The following NRG1 variants were observed in gnomAD, a reference collection of about 807,000 sequenced individuals.
The protein encoded by NRG1 is pro-neuregulin-1, membrane-bound isoform.
In NRG1, 18 loss-of-function variants were observed where a neutral mutation model predicts 63.8. The observed-to-expected ratio is 0.28, with a 90% CI of 0.19 to 0.42. NRG1 has a LOEUF of 0.42. NRG1 is among the 10% of genes least tolerant of loss of function. The pLI is 1.00. For synonymous variants in NRG1, 302 were observed against 301.3 expected, an observed-to-expected ratio of 1.00 and a Z score of -0.02; for missense variants, 762 against 814.7, an observed-to-expected ratio of 0.94 and a Z score of 0.79.
chr8:31,788,812 GTTAAC>G (rs752008695), intron 1 of NRG1, among the ~76,000 whole-genome samples: 1 of 152,182 alleles, frequency 6.6e-6, no homozygotes, highest in South Asian at 2.1e-4. Context: ...GTGCAAAGTA[GTTAAC>G]TTGACTAACA....
intron 1 of NRG1, among the ~76,000 whole-genome samples, chr8:32,052,186 A>G (rs1419683497): frequency 6.6e-6 from 1 of 151,920 alleles, no homozygotes; most frequent in Non-Finnish European, 1.5e-5. Context: ...TTAAGCTTCC[A>G]TCTCTGTAAG....
intron 1 of NRG1, among the ~76,000 whole-genome samples, chr8:32,081,298 T>A (rs1827428746): frequency 6.6e-6 from 1 of 152,150 alleles, no homozygotes; most frequent in Non-Finnish European, 1.5e-5. Flanking sequence ...CATATGCATT[T>A]TGAGGAGATA....
intron 1 of NRG1, among the ~76,000 whole-genome samples, chr8:32,486,627 A>ATT (rs1554557143): frequency 5.5e-5 from 8 of 145,514 alleles, no homozygotes; most frequent in Admixed American, 1.4e-4. Flanking sequence ...GAATTGCTGG[A>ATT]TTTTTTTTTT....
At chr8:32,390,941 A>C (rs1211833194) in intron 1 of NRG1, among the ~76,000 whole-genome samples, 4 of 152,216 alleles carry the variant, frequency 2.6e-5, no homozygotes, top group Admixed American at 6.5e-5. Flanking sequence ...CTTTACTAGG[A>C]TGTTCTGACA....
chr8:32,476,513 A>G (rs2129491904), intron 1 of NRG1, among the ~76,000 whole-genome samples: 1 of 152,324 alleles, frequency 6.6e-6, no homozygotes, highest in East Asian at 1.9e-4. Flanking sequence ...GAGAAAAATG[A>G]ACATAATCTT....
chr8:31,647,778 C>G (rs2130862194), intron 1 of NRG1, among the ~76,000 whole-genome samples: 1 of 152,298 alleles, frequency 6.6e-6, no homozygotes, highest in Non-Finnish European at 1.5e-5. Flanking sequence ...TCATTCCCAT[C>G]CATAGAGATG....
At chr8:32,251,742 A>C (rs1849130093) in intron 1 of NRG1, among the ~76,000 whole-genome samples, 1 of 152,194 alleles carries the variant, frequency 6.6e-6, no homozygotes, top group Admixed American at 6.5e-5. Context: ...AATGATCGCC[A>C]TTCAAACCGG....
At chr8:32,306,390 A>G (rs1856186359) in intron 1 of NRG1, among the ~76,000 whole-genome samples, 2 of 152,188 alleles carry the variant, frequency 1.3e-5, no homozygotes, top group Admixed American at 6.5e-5. Flanking sequence ...TAGCATTCGA[A>G]TGGGTCCTAA....
At chr8:32,116,471 T>G (rs888353787) in intron 1 of NRG1, among the ~76,000 whole-genome samples, 12 of 152,150 alleles carry the variant, frequency 7.9e-5, no homozygotes, top group Non-Finnish European at 1.3e-4. Flanking sequence ...CCTGATGAGC[T>G]GATTAAATAT....
intron 5 of NRG1, among the ~76,000 whole-genome samples, chr8:32,623,236 G>C (rs1848646968): frequency 6.6e-6 from 1 of 152,166 alleles, no homozygotes; most frequent in African/African-American, 2.4e-5. Flanking sequence ...AGATCTGGGT[G>C]GTCCATTGGT....
intron 1 of NRG1, among the ~76,000 whole-genome samples, chr8:31,896,152 T>G (rs529602614): frequency 6.6e-6 from 1 of 152,310 alleles, no homozygotes; most frequent in East Asian, 1.9e-4. Flanking sequence ...AGACCAGAGC[T>G]GCTTTAAATG....
intron 1 of NRG1, among the ~76,000 whole-genome samples, chr8:32,095,723 G>A (rs923911991): frequency 1.3e-5 from 2 of 152,122 alleles, no homozygotes; most frequent in African/African-American, 4.8e-5. Flanking sequence ...ATGCTATTAT[G>A]TCTTGGATAT....
At chr8:32,693,186 A>G (rs1469101748) in intron 5 of NRG1, among the ~76,000 whole-genome samples, 1 of 150,382 alleles carries the variant, frequency 6.6e-6, no homozygotes, top group Non-Finnish European at 1.5e-5. Context: ...TCTGAGGACA[A>G]CCTCATTTGT....
intron 1 of NRG1, among the ~76,000 whole-genome samples, chr8:32,470,116 G>T (rs1055663380): frequency 6.9e-6 from 1 of 144,016 alleles, no homozygotes; most frequent in Non-Finnish European, 1.5e-5. Context: ...CATGTGATCC[G>T]CCCGCCTCGG....
intron 11 of NRG1, chr8:32,761,037 A>T (rs530266733): frequency 4.2e-4 from 402 of 967,510 alleles, no homozygotes; most frequent in Non-Finnish European, 4.8e-4. Flanking sequence ...ACTGCCTTCA[A>T]GATGGCCCTT....
intron 1 of NRG1, among the ~76,000 whole-genome samples, chr8:31,669,711 C>T (rs1165379811): frequency 6.6e-6 from 1 of 152,172 alleles, no homozygotes; most frequent in Non-Finnish European, 1.5e-5. Context: ...TGTGTTCTTA[C>T]ACTTATTCAC....
At chr8:32,698,819 T>A (rs2128955380) in intron 5 of NRG1, among the ~76,000 whole-genome samples, 1 of 152,294 alleles carries the variant, frequency 6.6e-6, no homozygotes, top group East Asian at 1.9e-4. Context: ...CCCATAGAGC[T>A]GTTACTTGGT....
chr8:32,047,794 CT>C (rs56938669), intron 1 of NRG1, among the ~76,000 whole-genome samples: 2,821 of 148,316 alleles, frequency 0.019, 80 homozygotes, highest in African/African-American at 0.062. Flanking sequence ...TACATTTACT[CT>C]TTTTTTTTTA....
chr8:31,993,997 A>G (rs975466435), intron 1 of NRG1, among the ~76,000 whole-genome samples: 1 of 151,910 alleles, frequency 6.6e-6, no homozygotes, highest in African/African-American at 2.4e-5. Context: ...GATTAGTTTC[A>G]TTTTTGCAAC....
Sources: allele counts gnomAD v4.1 joint callset (sites outside exome capture counted in the v4.1 genomes callset), GRCh38; gene constraint gnomAD v4.1.1; transcripts MANE v1.5; gene names NCBI Gene and HGNC (gene_info 2026-07-23, HGNC 2026-07-21).